Variants in TRIM46 observed in about 807,000 individuals in gnomAD.
TRIM46 encodes the protein tripartite motif containing 46.
TRIM46 carries 17 observed loss-of-function variants against 69.7 expected under a neutral mutation model. That is an observed-to-expected ratio of 0.24 (90% CI 0.17 to 0.37). TRIM46 has a LOEUF of 0.37. Among genes scored for constraint, TRIM46 ranks in the 10% least tolerant of loss-of-function variants. The pLI, the probability that TRIM46 is intolerant of heterozygous loss-of-function variation, is 1.00. For synonymous variants in TRIM46, 391 were observed against 429.0 expected (o/e 0.91, Z 1.09); for missense variants, 675 against 1,025.1 (o/e 0.66, Z 4.66).
chr1:155,180,305 A>T, intron 8 of TRIM46: 1 of 327,758 alleles, frequency 3.1e-6, no homozygotes. Context: ...GATCTCTAAA[A>T]AAATAAATAG....
At chr1:155,178,820 C>T (rs1407177700) in intron 7 of TRIM46, 6 of 1,481,860 alleles carry the variant, frequency 4.0e-6, no homozygotes, top group Admixed American at 2.0e-5. Flanking sequence ...CTGTGGCCAC[C>T]GCGGACTCTG....
chr1:155,183,142 C>T (rs767199639), intron 9 of TRIM46, among the ~76,000 whole-genome samples: 9 of 151,950 alleles, frequency 5.9e-5, no homozygotes, highest in Non-Finnish European at 8.8e-5. Context: ...AATCTCCTGA[C>T]CTCGTGATCC....
chr1:155,178,680 G>T, intron 7 of TRIM46, 67 bp downstream of exon 7: 2 of 1,595,900 alleles, frequency 1.3e-6, no homozygotes, highest in Non-Finnish European at 8.5e-7. Flanking sequence ...CAGCGGGCCC[G>T]GGGGGCAGTG....
In TRIM46 at chr1:155,182,065, C is replaced by G. The variant is rs1666210267; in HGVS notation, c.1802C>G (p.Ala601Gly). The G allele has an allele frequency of 6.2e-7, 1 of 1,614,094 alleles. No homozygotes were observed. Residue 601 changes from alanine (A) to glycine (G), a missense_variant, in exon 9 of 10, where the codon GCC becomes GGC. By Grantham distance (60) the Ala-to-Gly change is moderately conservative. Coordinates refer to ENST00000334634, the MANE Select transcript of TRIM46 (RefSeq NM_025058.5). ...RSYWACAVDPASYLVKVGVGL... is the reference protein window; with the variant it reads ...RSYWACAVDPGSYLVKVGVGL... ...TACTGGGCCTGCGCCGTAGACCCAG[C>G]CTCCTACTTGGTCAAGGTGGGCGTC...
At chr1:155,180,038 G>A (rs1235476795) in intron 8 of TRIM46, 104 bp downstream of exon 8, 5 of 1,264,598 alleles carry the variant, frequency 4.0e-6, no homozygotes, top group Non-Finnish European at 5.4e-6. Context: ...ATATAACATA[G>A]TAGGTCTCAC....
At chr1:155,180,221 C>G (rs1162759686) in intron 8 of TRIM46, among the ~76,000 whole-genome samples, 2 of 152,214 alleles carry the variant, frequency 1.3e-5, no homozygotes, top group Non-Finnish European at 2.9e-5. Flanking sequence ...AATCCTAGCA[C>G]TTTGGGAGGC....
rs781014187 is a variant in TRIM46 at position 155,175,800 on chromosome 1, C to A, written c.326-88C>A. 1.8e-5 allele frequency: 29 copies of A among 1,567,880 alleles called. No individual in the cohort carries two copies. In the Admixed American group the frequency reaches 5.3e-4, roughly 29 times the overall value. On this transcript the variant is annotated intron_variant, in intron 2 of 9. Transcript: ENST00000334634. This position sits in a 1 kb window ranked among gnomAD's most constrained non-coding sequence, Gnocchi z 4.2. ...CTCTAATGAGAGCTGAGCTCTGGCA[C>A]AATGAAAATCTAATTTAATTAAACA...
At position 155,177,850 on chromosome 1, in the gene TRIM46, G is replaced by T. The variant is rs559725577; in HGVS notation, c.910-152G>T. Reference sequence around the variant, plus strand: ...CATCTAGAGGTGCCTTTGCAGCCATGAGCCCAGGCCCTGTAGGAATGGGTG... The same window carrying T: ...CATCTAGAGGTGCCTTTGCAGCCATTAGCCCAGGCCCTGTAGGAATGGGTG... On this transcript the variant is annotated intron_variant, in intron 5 of 9. Transcript: ENST00000334634. 3 of 1,156,062 alleles carry T rather than the reference G, an allele frequency of 2.6e-6. No individual in the cohort carries two copies. In the South Asian group the frequency reaches 4.9e-5, roughly 19 times the overall value. 71.6% of individuals were successfully genotyped at this position (1,156,062 alleles called of 1,614,324 possible).
In TRIM46 at chr1:155,175,483, A is replaced by G. The variant is rs1263585393; in HGVS notation, c.161A>G (p.Gln54Arg). The G allele has an allele frequency of 6.2e-7, 1 of 1,614,060 alleles. No individual in the cohort carries two copies. The highest frequency in any genetic ancestry group is 8.5e-7 in the Non-Finnish European group (1 of 1,180,014). The change falls in exon 2 of 10, where the codon CAG becomes CGG. Residue 54 changes from glutamine (Q) to arginine (R), a missense_variant. Gln to Arg is a conservative substitution (Grantham distance 43). Around this residue, in one of 5 missense-constraint regions of TRIM46, gnomAD observed 170 missense variants for 255.6 expected, o/e 0.67. Coordinates refer to ENST00000334634, the MANE Select transcript of TRIM46 (RefSeq NM_025058.5). The surrounding 1 kb of genome is among the most constrained non-coding windows in gnomAD (Gnocchi z 4.2). ...CTGCCCTGTACCCACAACGTGTGCC[A>G]GGCCTGTGCCCGAGAGGTCTTGGGC... Reference protein sequence around the residue: ...LVLPCTHNVCQACAREVLGQQ... With the variant: ...LVLPCTHNVCRACAREVLGQQ...
In TRIM46 at chr1:155,177,209, G is replaced by C. The variant is rs948106961; in HGVS notation, c.828G>C (p.Lys276Asn). The C allele has an allele frequency of 1.9e-6, 3 of 1,614,200 alleles. No homozygotes were observed. Among genetic ancestry groups the C allele is most frequent in the Non-Finnish European group, 2.5e-6 (3 of 1,180,032 alleles). ...AYQALKDKLT[K>N]SLTYILGNQD... is the part of the protein sequence containing the mutation. ...TTCCCCCTCAGGACAAGCTGACAAA[G>C]AGCCTGACATACATCCTGGGAAACC... Residue 276 changes from lysine to asparagine, a missense_variant, in exon 5 of 10, where the codon AAG becomes AAC. Around this residue, in one of 5 missense-constraint regions of TRIM46, gnomAD observed 361 missense variants for 498.3 expected, o/e 0.72. Coordinates refer to ENST00000334634, the MANE Select transcript of TRIM46 (RefSeq NM_025058.5).
Position 155,175,165 on chromosome 1 carries a change from G to A in TRIM46, c.64-221G>A, listed in dbSNP as rs1665538862. 1.4e-6 allele frequency: 2 copies of A among 1,408,506 alleles called. No homozygotes were observed. Among genetic ancestry groups the A allele is most frequent in the Non-Finnish European group, 1.8e-6 (2 of 1,089,618 alleles). 87.3% of individuals were successfully genotyped at this position (1,408,506 alleles called of 1,614,324 possible). A position where few individuals can be genotyped will look rare whatever the true frequency, so the allele number is the denominator to read the frequency against. ...GCTGGAGCAGGCACAAGCTCCAACC[G>A]TCCCTCCTCTGGGCCTTTAGCTCTG... On this transcript the variant is annotated intron_variant, in intron 1 of 9. Coordinates refer to ENST00000334634, the MANE Select transcript of TRIM46 (RefSeq NM_025058.5). This position sits in a 1 kb window ranked among gnomAD's most constrained non-coding sequence, Gnocchi z 4.2.
chr1:155,184,207 A>C lies in TRIM46; in HGVS notation c.*17A>C. The C allele has an allele frequency of 6.3e-7, 1 of 1,581,242 alleles. No homozygotes were observed. Among genetic ancestry groups the C allele is most frequent in the Non-Finnish European group, 8.6e-7 (1 of 1,163,412 alleles). On this transcript the variant is annotated 3_prime_UTR_variant, in exon 10 of 10. Coordinates refer to ENST00000334634, the MANE Select transcript of TRIM46 (RefSeq NM_025058.5). This position sits in a 1 kb window ranked among gnomAD's most constrained non-coding sequence, Gnocchi z 5.6. ...CTGGACTGAGCCTTCCAGGCCCCTC[A>C]TGCAGACCTGGGGTCCTCCTGGGCC...
Position 155,175,872 on chromosome 1 carries a change from C to T in TRIM46, c.326-16C>T. The T allele has an allele frequency of 6.3e-7, 1 of 1,582,864 alleles. No homozygotes were observed. The highest frequency in any genetic ancestry group is 8.6e-7 in the Non-Finnish European group (1 of 1,164,576). On this transcript the variant is annotated splice_polypyrimidine_tract_variant and intron_variant, in intron 2 of 9. Coordinates refer to ENST00000334634, the MANE Select transcript of TRIM46 (RefSeq NM_025058.5). This position sits in a 1 kb window ranked among gnomAD's most constrained non-coding sequence, Gnocchi z 4.2. ...CTGTAACTCTCATGTCCTCTACCTC[C>T]CTGGTTCACCCACAGGCTTTGGGAC...
At position 155,181,260 on chromosome 1, in the gene TRIM46, A is replaced by T. The variant is rs115152457; in HGVS notation, c.1589-592A>T. Among the ~76,000 whole-genome samples, 3,396 of 152,288 alleles carry T rather than the reference A, an allele frequency of 0.022. 106 individuals are homozygous for T. Among genetic ancestry groups the T allele is most frequent in the African/African-American group, 0.072 (2,975 of 41,536 alleles). On this transcript the variant is annotated intron_variant, in intron 8 of 9. Coordinates refer to ENST00000334634, the MANE Select transcript of TRIM46 (RefSeq NM_025058.5). The surrounding 1 kb of genome is among the most constrained non-coding windows in gnomAD (Gnocchi z 4.3). The stretch of plus-strand genomic sequence containing the variant: ...GTCTCAAAAACATATATATATTTTT[A>T]AAAAATGATAATGCTTACCTCATAG...
At position 155,175,869 on chromosome 1, in the gene TRIM46, C is replaced by T; in HGVS notation, c.326-19C>T. The T allele has an allele frequency of 6.3e-7, 1 of 1,583,024 alleles. No individual in the cohort carries two copies. On this transcript the variant is annotated intron_variant, in intron 2 of 9. Transcript: ENST00000334634. This position sits in a 1 kb window ranked among gnomAD's most constrained non-coding sequence, Gnocchi z 4.2. ...CAGCTGTAACTCTCATGTCCTCTAC[C>T]TCCCTGGTTCACCCACAGGCTTTGG...
At position 155,181,305 on chromosome 1, in the gene TRIM46, G is replaced by T. The variant is rs1405727597; in HGVS notation, c.1589-547G>T. Among the ~76,000 whole-genome samples, 1 of 152,186 alleles carries T rather than the reference G, an allele frequency of 6.6e-6. No homozygotes were observed. Among genetic ancestry groups the T allele is most frequent in the African/African-American group, 2.4e-5 (1 of 41,430 alleles). The stretch of plus-strand genomic sequence containing the variant: ...TCATAGAGTTGCAAGAATTCAACTG[G>T]TTTGAGACGATCAATGGGAGTCTGA... On this transcript the variant is annotated intron_variant, in intron 8 of 9. Transcript: ENST00000334634. The surrounding 1 kb of genome is among the most constrained non-coding windows in gnomAD (Gnocchi z 4.3).
intron 7 of TRIM46, 60 bp downstream of exon 7, chr1:155,178,673 C>G: frequency 6.3e-7 from 1 of 1,599,938 alleles, no homozygotes. Context: ...TCCCCAGCAG[C>G]GGGCCCGGGG....
rs749458675 is a variant in TRIM46 at position 155,182,039 on chromosome 1, C to T, written c.1776C>T (p.Ser592=). ...LGDVAVTQGR[S]YWACAVDPAS... is the part of the protein sequence containing the mutation. Reference sequence around the variant, plus strand: ...ACGTGGCTGTGACCCAGGGCCGCAGCTACTGGGCCTGCGCCGTAGACCCAG... The same window carrying T: ...ACGTGGCTGTGACCCAGGGCCGCAGTTACTGGGCCTGCGCCGTAGACCCAG... The change falls in exon 9 of 10, where the codon AGC becomes AGT. Residue 592 remains serine, a synonymous_variant. Transcript: ENST00000334634. 11 of 1,613,848 alleles carry T rather than the reference C, an allele frequency of 6.8e-6. No individual in the cohort carries two copies. The South Asian group carries it at 1.2e-4, about 18-fold the overall frequency.
rs1666369719 is a variant in TRIM46, at chr1:155,183,975, C to T, written c.2065C>T (p.Pro689Ser). ...AGCCGGCTGCACAGTGCCCCTGCCA[C>T]CCCGCCTGGGCATCTGCCTGGACTA... is the stretch of plus-strand genomic sequence containing the variant. ...PTAGCTVPLP[P>S]RLGICLDYER... Residue 689 changes from proline to serine, a missense_variant, in exon 10 of 10, where the codon CCC (proline) becomes TCC (serine). Around this residue, in one of 5 missense-constraint regions of TRIM46, gnomAD observed 108 missense variants for 153.0 expected, o/e 0.71. Coordinates refer to ENST00000334634, the MANE Select transcript of TRIM46 (RefSeq NM_025058.5). 3.1e-6 allele frequency: 5 copies of T among 1,614,038 alleles called. No homozygotes were observed. In the East Asian group the frequency reaches 1.1e-4, roughly 36 times the overall value.
Sources: gnomAD v4.1 joint callset for allele counts (sites outside exome capture counted in the v4.1 genomes callset) on GRCh38, gnomAD v4.1.1 for gene constraint, gnomAD v4.1.1 regional missense constraint, Gnocchi (gnomAD v3.1) non-coding constraint, MANE v1.5 for transcripts, NCBI Gene and HGNC (gene_info 2026-07-23, HGNC 2026-07-21) for gene names.